NOD2: variants seen among roughly 807,000 people sequenced by gnomAD.
NOD2 encodes nucleotide binding oligomerization domain containing 2, also known as nucleotide-binding oligomerization domain-containing protein 2.
In NOD2, 86 loss-of-function variants were observed where a neutral mutation model predicts 90.9. That is an observed-to-expected ratio of 0.95 (90% CI 0.79 to 1.13). The LOEUF (loss-of-function observed/expected upper bound fraction) is 1.13, where lower values mean the gene tolerates loss of function less well. NOD2 is among the 50% of genes most tolerant of loss of function. The pLI is 0.00. For missense variants in NOD2, 1,238 were observed against 1,283.8 expected (o/e 0.96, Z 0.55); for synonymous variants, 581 against 554.6 (o/e 1.05, Z -0.67).
chr16:50,730,686 C>A (rs1453987932), intron 11 of NOD2, among the ~76,000 whole-genome samples: 2 of 152,160 alleles, frequency 1.3e-5, no homozygotes, highest in East Asian at 3.8e-4. Context: ...ATTCATGATT[C>A]CAGTAGTTAA....
chr16:50,699,396 G>C (rs1320211905), intron 1 of NOD2, 92 bp from the exon 2 acceptor site: 6 of 1,046,876 alleles, frequency 5.7e-6, no homozygotes, highest in Non-Finnish European at 9.0e-6. Context: ...GCCAACTCGG[G>C]TTCTGCTGGG....
rs104895419 is a variant in NOD2 at position 50,699,729 on chromosome 16, G to T, written c.234G>T (p.Ala78=). ...CTTGGGCCTGTCAGAAGCTCATCGC[G>T]GCTGCCCAAGAAGCCCAGGCCGACA... ...KGTWACQKLI[A]AAQEAQADSQ... The change falls in exon 2 of 12, where the codon GCG becomes GCT. Residue 78 remains alanine (A), a synonymous_variant. Coordinates refer to ENST00000647318, the MANE Select transcript of NOD2 (RefSeq NM_001370466.1). The T allele has an allele frequency of 3.7e-6, 6 of 1,614,086 alleles. No homozygotes were observed. The highest frequency in any genetic ancestry group is 5.1e-6 in the Non-Finnish European group (6 of 1,180,026).
chr16:50,709,532 C>T (rs1017826799), intron 3 of NOD2, among the ~76,000 whole-genome samples: 2 of 152,194 alleles, frequency 1.3e-5, no homozygotes, highest in Non-Finnish European at 2.9e-5. Flanking sequence ...CTTCCAAACA[C>T]ACCCCGTGCA....
chr16:50,699,459 T>TC, intron 1 of NOD2, 29 bp from the exon 2 acceptor site: 1 of 1,599,062 alleles, frequency 6.3e-7, no homozygotes, highest in African/African-American at 1.3e-5. Context: ...TCTGGAGAAG[T>TC]CCCGCACTGA....
chr16:50,700,046 G>T, intron 2 of NOD2, 92 bp downstream of exon 2: 1 of 1,271,514 alleles, frequency 7.9e-7, no homozygotes, highest in African/African-American at 1.5e-5. Context: ...AGCCTGTGGG[G>T]TAACTTGGTC....
chr16:50,720,104 A>G, intron 7 of NOD2, 96 bp downstream of exon 7: 1 of 1,118,592 alleles, frequency 8.9e-7, no homozygotes, highest in Non-Finnish European at 1.3e-6. Flanking sequence ...GAGGCCCCAG[A>G]GGCAGCCCAG....
chr16:50,706,353 G>C (rs547065801), intron 2 of NOD2, among the ~76,000 whole-genome samples: 1 of 152,280 alleles, frequency 6.6e-6, no homozygotes, highest in Admixed American at 6.5e-5. Flanking sequence ...GGACGCTATT[G>C]GGACGTTTGT....
chr16:50,716,647 C>T lies in NOD2; in HGVS notation c.2442C>T (p.His814=). 6.2e-7 allele frequency: 1 copy of T among 1,614,196 alleles called. No homozygotes were observed. The highest frequency in any genetic ancestry group is 1.6e-4 in the Middle Eastern group (1 of 6,062). The change falls in exon 5 of 12, where the codon CAC becomes CAT. Residue 814 remains histidine (H), a synonymous_variant. Transcript: ENST00000647318. The part of the protein sequence containing the change: ...GICKLIECAL[H]CEQLQKLALF... ...GCAAGCTCATTGAATGTGCTCTTCA[C>T]TGCGAGCAATTGCAGAAGTTAGCGT...
chr16:50,704,838 C>A (rs1442076627), intron 2 of NOD2, among the ~76,000 whole-genome samples: 1 of 152,214 alleles, frequency 6.6e-6, no homozygotes, highest in African/African-American at 2.4e-5. Flanking sequence ...TTTTAAAACT[C>A]TTTCTGGAAG....
chr16:50,720,380 G>A (rs2150829976), intron 7 of NOD2, among the ~76,000 whole-genome samples: 1 of 152,296 alleles, frequency 6.6e-6, no homozygotes, highest in South Asian at 2.1e-4. Context: ...TAGGTGCAAG[G>A]CCCAGGTATC....
At chr16:50,704,852 T>C (rs1458767756) in intron 2 of NOD2, among the ~76,000 whole-genome samples, 1 of 152,236 alleles carries the variant, frequency 6.6e-6, no homozygotes. Context: ...CTGGAAGCTT[T>C]TAAAATTTTC....
At chr16:50,705,980 A>G (rs1964170836) in intron 2 of NOD2, among the ~76,000 whole-genome samples, 1 of 152,242 alleles carries the variant, frequency 6.6e-6, no homozygotes, top group African/African-American at 2.4e-5. Context: ...TGCTGTAGAA[A>G]GTAAGTAAAG....
At chr16:50,722,238 G>A (rs1965091617) in intron 7 of NOD2, among the ~76,000 whole-genome samples, 1 of 152,232 alleles carries the variant, frequency 6.6e-6, no homozygotes, top group South Asian at 2.1e-4. Flanking sequence ...TTATGGGCAG[G>A]TACTGGAGGG....
chr16:50,711,019 C>G lies in NOD2; in HGVS notation c.1027C>G (p.His343Asp). Residue 343 changes from histidine to aspartate, a missense_variant, in exon 4 of 12, where the codon CAC becomes GAC. By Grantham distance (81) the His-to-Asp change is moderately conservative. This residue lies in a region of NOD2 where 567 missense variants were observed against 577.3 expected (regional missense o/e 0.98). Transcript: ENST00000647318. Reference sequence around the variant, plus strand: ...AGACATCTTCCAGTTACTCCTTGACCACCCTGACCGTGTCCTGTTAACCTT... The same window carrying G: ...AGACATCTTCCAGTTACTCCTTGACGACCCTGACCGTGTCCTGTTAACCTT... ...QEDIFQLLLD[H>D]PDRVLLTFDG... 6.2e-7 allele frequency: 1 copy of G among 1,614,234 alleles called. No homozygotes were observed. The highest frequency in any genetic ancestry group is 2.2e-5 in the East Asian group (1 of 44,886).
Position 50,699,789 on chromosome 16 carries a change from C to G in NOD2, c.294C>G (p.Pro98=), listed in dbSNP as rs764929082. Reference sequence around the variant, plus strand: ...CCAAGCTGCATGGCTGCTGGGACCCCCACTCGCTCCACCCAGCCCGAGACC... The same window carrying G: ...CCAAGCTGCATGGCTGCTGGGACCCGCACTCGCTCCACCCAGCCCGAGACC... The part of the protein sequence containing the change: ...QSPKLHGCWD[P]HSLHPARDLQ... Residue 98 remains proline (P), a synonymous_variant, in exon 2 of 12, where the codon CCC becomes CCG. Transcript: ENST00000647318. 1.9e-6 allele frequency: 3 copies of G among 1,613,776 alleles called. No individual in the cohort carries two copies. The South Asian group carries it at 3.3e-5, about 18-fold the overall frequency.
intron 6 of NOD2, among the ~76,000 whole-genome samples, chr16:50,717,651 G>A (rs568025491): frequency 2.0e-5 from 3 of 152,154 alleles, no homozygotes; most frequent in Non-Finnish European, 4.4e-5. Flanking sequence ...GATGGGAGCC[G>A]CCATTTTAAA....
chr16:50,731,443 T>C (rs568260681), intron 11 of NOD2, among the ~76,000 whole-genome samples: 17 of 152,314 alleles, frequency 1.1e-4, no homozygotes, highest in African/African-American at 3.6e-4. Flanking sequence ...GTTTGCTCAT[T>C]GCATTCTTGA....
chr16:50,722,676 G>A lies in NOD2; in HGVS notation c.2688G>A (p.Leu896=). The change falls in exon 8 of 12, where the codon TTG becomes TTA. Residue 896 remains leucine, a synonymous_variant. Coordinates refer to ENST00000647318, the MANE Select transcript of NOD2 (RefSeq NM_001370466.1). ...GGGCCCAGGCCCTGGCTGAAGCCTT[G>A]GGTGATCACCAGAGCTTGAGGTGGC... ...DEGAQALAEA[L]GDHQSLRWLS... 2 of 1,614,242 alleles carry A rather than the reference G, an allele frequency of 1.2e-6. No homozygotes were observed. Among genetic ancestry groups the A allele is most frequent in the East Asian group, 2.2e-5 (1 of 44,890 alleles).
At chr16:50,695,178 CAGA>C (rs1459729692) in intron 1 of NOD2, among the ~76,000 whole-genome samples, 1 of 151,308 alleles carries the variant, frequency 6.6e-6, no homozygotes, top group African/African-American at 2.4e-5. Flanking sequence ...GGGGTAAGGG[CAGA>C]AGGAGAGCCC....
Sources: gnomAD v4.1 joint callset for allele counts (sites outside exome capture counted in the v4.1 genomes callset) on GRCh38, gnomAD v4.1.1 for gene constraint, gnomAD v4.1.1 regional missense constraint, MANE v1.5 for transcripts, NCBI Gene and HGNC (gene_info 2026-07-23, HGNC 2026-07-21) for gene names.